YAF2: variants seen among roughly 807,000 people sequenced by gnomAD.
The protein encoded by YAF2 is YY1 associated factor 2.
A neutral mutation model predicts 20.1 loss-of-function variants in YAF2; 7 were observed. That is an observed-to-expected ratio of 0.35 (90% CI 0.20 to 0.65). YAF2 has a LOEUF of 0.65. Among genes scored for constraint, YAF2 ranks in the 30% least tolerant of loss-of-function variants. YAF2 has a pLI of 0.69. For synonymous variants in YAF2, 74 were observed against 76.0 expected (o/e 0.97, Z 0.14); for missense variants, 151 against 219.2 (o/e 0.69, Z 1.96).
intron 3 of YAF2, 58 bp from the exon 4 acceptor site, chr12:42,160,884 A>G (rs968627876): frequency 1.4e-5 from 20 of 1,420,166 alleles, no homozygotes; most frequent in Middle Eastern, 1.8e-4. Flanking sequence ...ATTTCTGAGC[A>G]TATAATAAAT....
intron 2 of YAF2, among the ~76,000 whole-genome samples, chr12:42,165,260 G>A (rs2065886295): frequency 6.6e-6 from 1 of 151,878 alleles, no homozygotes; most frequent in Non-Finnish European, 1.5e-5. Flanking sequence ...TAGACAGAGA[G>A]GAAATAACTT....
intron 2 of YAF2, among the ~76,000 whole-genome samples, chr12:42,206,544 G>A (rs2067048047): frequency 6.6e-6 from 1 of 151,748 alleles, no homozygotes; most frequent in African/African-American, 2.4e-5. Flanking sequence ...AGGGGGTGGA[G>A]GTTGAAGTGA....
intron 2 of YAF2, among the ~76,000 whole-genome samples, chr12:42,162,849 T>C (rs572697196): frequency 3.3e-5 from 5 of 152,276 alleles, no homozygotes; most frequent in Admixed American, 3.3e-4. Context: ...TCTGAACTAC[T>C]GAAAGGATAT....
intron 2 of YAF2, among the ~76,000 whole-genome samples, chr12:42,183,228 T>A (rs2066390127): frequency 6.6e-6 from 1 of 152,098 alleles, no homozygotes; most frequent in Non-Finnish European, 1.5e-5. Context: ...CCCTCTTCCC[T>A]GAGACACAAT....
rs777262139 is a variant in YAF2, at chr12:42,237,601, G to A, written c.150C>T (p.Thr50=). 6 of 1,535,984 alleles carry A rather than the reference G, an allele frequency of 3.9e-6. No individual in the cohort carries two copies. In the South Asian group the frequency reaches 6.1e-5, roughly 16 times the overall value. The change falls in exon 2 of 4, where the codon ACC becomes ACT. Residue 50 remains threonine, a splice_region_variant and synonymous_variant. Coordinates refer to ENST00000534854, the MANE Select transcript of YAF2 (RefSeq NM_005748.6). ...CGAGGGGCAGGCCCGGGACTCACCG[G>A]GTGGAGGTGCCCTTCCGCACATCGC... ...MMCDVRKGTS[T]RKPRPVSQLV... is the part of the protein sequence containing the mutation.
intron 2 of YAF2, among the ~76,000 whole-genome samples, chr12:42,225,841 G>C (rs1205885803): frequency 6.6e-6 from 1 of 152,100 alleles, no homozygotes; most frequent in Non-Finnish European, 1.5e-5. Flanking sequence ...TTTTTCCTTA[G>C]GACTGTTTTG....
At chr12:42,164,227 C>G (rs923901991) in intron 2 of YAF2, among the ~76,000 whole-genome samples, 8 of 152,126 alleles carry the variant, frequency 5.3e-5, no homozygotes, top group Admixed American at 2.6e-4. Context: ...TTGGGGATCC[C>G]TATGTATCTT....
chr12:42,229,959 T>G (rs2067928697), intron 2 of YAF2, among the ~76,000 whole-genome samples: 1 of 152,130 alleles, frequency 6.6e-6, no homozygotes, highest in Non-Finnish European at 1.5e-5. Context: ...ATGGTAATCC[T>G]AGAGGGCTTC....
At chr12:42,211,062 C>T (rs1464567717) in intron 2 of YAF2, among the ~76,000 whole-genome samples, 1 of 152,100 alleles carries the variant, frequency 6.6e-6, no homozygotes, top group Non-Finnish European at 1.5e-5. Flanking sequence ...GTATAGAAGC[C>T]ACCATAGTGG....
At chr12:42,215,700 A>G (rs1268025670) in intron 2 of YAF2, among the ~76,000 whole-genome samples, 1 of 152,174 alleles carries the variant, frequency 6.6e-6, no homozygotes, top group Non-Finnish European at 1.5e-5. Flanking sequence ...AGGCAGGCAG[A>G]TCACTTGAGG....
intron 2 of YAF2, among the ~76,000 whole-genome samples, chr12:42,228,086 G>A (rs1222128780): frequency 2.1e-4 from 18 of 87,112 alleles, no homozygotes; most frequent in African/African-American, 5.0e-4. Context: ...CTGCCCAGCC[G>A]CCCCTACTGG....
intron 2 of YAF2, among the ~76,000 whole-genome samples, chr12:42,229,409 A>T (rs1159575038): frequency 2.3e-5 from 3 of 128,154 alleles, no homozygotes; most frequent in South Asian, 2.6e-4. Flanking sequence ...AATTATCAAT[A>T]AAAAAATAAA....
intron 2 of YAF2, among the ~76,000 whole-genome samples, chr12:42,222,702 T>C (rs979427091): frequency 8.5e-5 from 13 of 152,210 alleles, no homozygotes; most frequent in African/African-American, 2.9e-4. Flanking sequence ...GTTTCATAAG[T>C]TACCTATTTT....
chr12:42,188,172 T>C (rs1565616422), intron 2 of YAF2, among the ~76,000 whole-genome samples: 1 of 151,882 alleles, frequency 6.6e-6, no homozygotes, highest in Non-Finnish European at 1.5e-5. Context: ...ACCAAAAACA[T>C]GTGAAAAGAC....
Position 42,160,760 on chromosome 12 carries a change from T to G in YAF2, c.372A>C (p.Thr124=), listed in dbSNP as rs2065781988. The part of the protein sequence containing the change: ...QHLEVTVGDL[T]VIITDFKEKT... ...TCTCCTTAAAGTCTGTAATAATGACTGTCAGATCTCCAACAGTAACTTCCA... is the reference window on the plus strand; with the variant it reads ...TCTCCTTAAAGTCTGTAATAATGACGGTCAGATCTCCAACAGTAACTTCCA... The change falls in exon 4 of 4, where the codon ACA becomes ACC. Residue 124 remains threonine (T), a synonymous_variant. Transcript: ENST00000534854. The G allele has an allele frequency of 6.2e-7, 1 of 1,613,770 alleles. No homozygotes were observed. Among genetic ancestry groups the G allele is most frequent in the South Asian group, 1.1e-5 (1 of 91,062 alleles).
intron 2 of YAF2, among the ~76,000 whole-genome samples, chr12:42,213,472 C>A (rs975538437): frequency 6.6e-6 from 1 of 152,216 alleles, no homozygotes; most frequent in Non-Finnish European, 1.5e-5. Context: ...ATAGCCATCT[C>A]TAAAGTAAAT....
intron 2 of YAF2, among the ~76,000 whole-genome samples, chr12:42,217,459 A>G (rs2067388401): frequency 6.6e-6 from 1 of 152,180 alleles, no homozygotes; most frequent in African/African-American, 2.4e-5. Flanking sequence ...ATATTCCTTA[A>G]AAAACAAGAA....
At position 42,185,819 on chromosome 12, in the gene YAF2, C is replaced by T. The variant is rs531285599; in HGVS notation, c.153-24054G>A. Among the ~76,000 whole-genome samples, 9 of 152,216 alleles carry T rather than the reference C, an allele frequency of 5.9e-5. No individual in the cohort carries two copies. The East Asian group carries it at 1.3e-3, about 23-fold the overall frequency. The stretch of plus-strand genomic sequence containing the variant: ...ATATGAACTAGGAAACCAAAAACTT[C>T]GTATGACTTGCTTTGTTGTGATATT... On this transcript the variant is annotated intron_variant, in intron 2 of 3. Transcript: ENST00000534854.
intron 2 of YAF2, among the ~76,000 whole-genome samples, chr12:42,168,374 G>A (rs2065964959): frequency 6.6e-6 from 1 of 151,734 alleles, no homozygotes; most frequent in African/African-American, 2.4e-5. Flanking sequence ...TAGAAACGGG[G>A]TTTCACCATG....
Sources: gnomAD v4.1 joint callset for allele counts (sites outside exome capture counted in the v4.1 genomes callset) on GRCh38, gnomAD v4.1.1 for gene constraint, MANE v1.5 for transcripts, NCBI Gene and HGNC (gene_info 2026-07-23, HGNC 2026-07-21) for gene names.